Variants in SPON1 observed in about 807,000 individuals in gnomAD.
The protein encoded by SPON1 is spondin-1.
SPON1 carries 52 observed loss-of-function variants against 111.7 expected under a neutral mutation model. The observed-to-expected ratio is 0.47, with a 90% CI of 0.37 to 0.59. SPON1 has a LOEUF of 0.59. Among genes scored for constraint, SPON1 ranks in the 20% least tolerant of loss-of-function variants. The probability of loss-of-function intolerance (pLI) is 0.00; values close to 1 mark genes in which losing one functional copy is unlikely to be tolerated. For missense variants in SPON1, 957 were observed against 1,068.5 expected, an observed-to-expected ratio of 0.90 and a Z score of 1.46; for synonymous variants, 410 against 395.8, an observed-to-expected ratio of 1.04 and a Z score of -0.43.
chr11:14,154,340 T>C (rs995183182), intron 6 of SPON1, among the ~76,000 whole-genome samples: 1 of 152,170 alleles, frequency 6.6e-6, no homozygotes, highest in African/African-American at 2.4e-5. Context: ...CTGGAATATA[T>C]GTCAGCCTCA....
Position 14,053,403 on chromosome 11 carries a change from G to A in SPON1, c.479+11749G>A, listed in dbSNP as rs113817226. On this transcript the variant is annotated intron_variant, in intron 3 of 15. Transcript: ENST00000576479. ...ATATAAATGGAAGCATACAATGTGT[G>A]ACCTTTTGTGTCTAGCTTTTTTTCA... 1.1e-3 allele frequency among the ~76,000 whole-genome samples: 168 copies of A among 152,154 alleles called. 1 individual carries two copies. Among genetic ancestry groups the A allele is most frequent in the East Asian group, 6.2e-3 (32 of 5,176 alleles).
chr11:14,106,287 A>T (rs782607513), intron 5 of SPON1, among the ~76,000 whole-genome samples: 2 of 152,190 alleles, frequency 1.3e-5, no homozygotes, highest in Non-Finnish European at 2.9e-5. Context: ...TTTCCTTTGT[A>T]TGAAAATATT....
intron 6 of SPON1, among the ~76,000 whole-genome samples, chr11:14,180,908 G>T (rs1830018450): frequency 1.3e-5 from 2 of 152,188 alleles, no homozygotes; most frequent in Admixed American, 1.3e-4. Flanking sequence ...ATGAATGAAT[G>T]AATAAATACA....
At chr11:14,012,518 G>C (rs74449525) in intron 2 of SPON1, among the ~76,000 whole-genome samples, 1 of 152,280 alleles carries the variant, frequency 6.6e-6, no homozygotes, top group Non-Finnish European at 1.5e-5. Context: ...ATGTGGTAGG[G>C]AATGAGACTT....
chr11:14,056,427 A>G (rs1260591615), intron 3 of SPON1, among the ~76,000 whole-genome samples: 1 of 152,220 alleles, frequency 6.6e-6, no homozygotes, highest in Non-Finnish European at 1.5e-5. Flanking sequence ...TGTACATTTT[A>G]AAGGTCGTTT....
intron 6 of SPON1, among the ~76,000 whole-genome samples, chr11:14,137,522 C>G (rs1554928233): frequency 6.6e-6 from 1 of 152,154 alleles, no homozygotes; most frequent in Non-Finnish European, 1.5e-5. Flanking sequence ...CACATCTAGG[C>G]TGAGGATGCT....
Position 14,088,626 on chromosome 11 carries a change from G to A in SPON1, c.676+8605G>A, listed in dbSNP as rs536063795. Reference sequence around the variant, plus strand: ...TATGTGTTTTGGGGTTGTTCTTCTCGGGGAGTATCATTGTGGTGTTCTCTG... The same window carrying A: ...TATGTGTTTTGGGGTTGTTCTTCTCAGGGAGTATCATTGTGGTGTTCTCTG... On this transcript the variant is annotated intron_variant, in intron 5 of 15. Coordinates refer to ENST00000576479, the MANE Select transcript of SPON1 (RefSeq NM_006108.4). Among the ~76,000 whole-genome samples, 5 of 145,454 alleles carry A rather than the reference G, an allele frequency of 3.4e-5. No homozygotes were observed. In the South Asian group the frequency reaches 6.4e-4, roughly 19 times the overall value.
At chr11:13,993,259 G>A (rs1474791269) in intron 2 of SPON1, among the ~76,000 whole-genome samples, 2 of 151,894 alleles carry the variant, frequency 1.3e-5, no homozygotes, top group Admixed American at 6.6e-5. Flanking sequence ...CTCCAAAGAA[G>A]GCCGAGGAGA....
intron 6 of SPON1, among the ~76,000 whole-genome samples, chr11:14,225,540 T>G (rs1848728458): frequency 6.6e-6 from 1 of 152,180 alleles, no homozygotes; most frequent in Admixed American, 6.5e-5. Context: ...GATTGTGCTG[T>G]GCCAATGAAG....
chr11:14,211,425 G>C (rs892190777), intron 6 of SPON1, among the ~76,000 whole-genome samples: 1 of 152,110 alleles, frequency 6.6e-6, no homozygotes, highest in Non-Finnish European at 1.5e-5. Flanking sequence ...ACTTACAAGG[G>C]ATGTGAAGGA....
In SPON1 at chr11:14,233,515, G is replaced by A. The variant is rs147626372; in HGVS notation, c.826-9817G>A. Among the ~76,000 whole-genome samples the A allele has an allele frequency of 4.1e-3, 630 of 152,214 alleles. 3 individuals are homozygous for A. Among genetic ancestry groups the A allele is most frequent in the African/African-American group, 0.014 (583 of 41,530 alleles). ...TGAACAACAGCCCCTAAACCCTCTG[G>A]GAGGGCAGCCAAGGCCAGAGACTTC... On this transcript the variant is annotated intron_variant, in intron 6 of 15. Transcript: ENST00000576479.
chr11:13,980,940 T>A (rs981152915), intron 1 of SPON1, among the ~76,000 whole-genome samples: 1 of 152,176 alleles, frequency 6.6e-6, no homozygotes, highest in East Asian at 1.9e-4. Flanking sequence ...ATCCGTGAAA[T>A]TGGAGAGCTG....
chr11:14,144,666 A>C (rs900410732), intron 6 of SPON1, among the ~76,000 whole-genome samples: 3 of 149,624 alleles, frequency 2.0e-5, no homozygotes, highest in Non-Finnish European at 4.4e-5. Flanking sequence ...AATAATAATA[A>C]TAATGAAAAA....
Position 14,259,500 on chromosome 11 carries a change from G to A in SPON1, c.1664-34G>A. ...GGCGGGCAAGTAGGTCGGGGAGGCA[G>A]CAGGTGCGACTCCAATGCCGCTGGC... On this transcript the variant is annotated intron_variant, in intron 12 of 15. Transcript: ENST00000576479. The surrounding 1 kb of genome is among the most constrained non-coding windows in gnomAD (Gnocchi z 5.0). 1.3e-6 allele frequency: 2 copies of A among 1,570,482 alleles called. No homozygotes were observed. The highest frequency in any genetic ancestry group is 1.2e-5 in the South Asian group (1 of 85,574).
chr11:14,167,593 T>C (rs1391210544), intron 6 of SPON1, among the ~76,000 whole-genome samples: 1 of 152,162 alleles, frequency 6.6e-6, no homozygotes, highest in East Asian at 1.9e-4. Context: ...CATTACAGCA[T>C]CTTTAATGTT....
At chr11:14,109,323 G>A (rs1392294112) in intron 5 of SPON1, among the ~76,000 whole-genome samples, 4 of 152,076 alleles carry the variant, frequency 2.6e-5, no homozygotes, top group African/African-American at 7.2e-5. Flanking sequence ...GGTTTCCCTA[G>A]GGTTATGTTC....
intron 6 of SPON1, among the ~76,000 whole-genome samples, chr11:14,198,844 C>T (rs1848430994): frequency 6.6e-6 from 1 of 152,184 alleles, no homozygotes; most frequent in Admixed American, 6.5e-5. Flanking sequence ...TGCTTTTTTA[C>T]TTCTTTGTAA....
chr11:14,221,602 C>T (rs1312989698), intron 6 of SPON1, among the ~76,000 whole-genome samples: 5 of 152,156 alleles, frequency 3.3e-5, no homozygotes, highest in East Asian at 3.9e-4. Flanking sequence ...ACTCATCCGA[C>T]GTTTTTAGGT....
At chr11:14,235,787 A>G (rs1363946949) in intron 6 of SPON1, among the ~76,000 whole-genome samples, 1 of 151,866 alleles carries the variant, frequency 6.6e-6, no homozygotes, top group Non-Finnish European at 1.5e-5. Flanking sequence ...AGGGATGCTG[A>G]GTCAAAAAGG....
Sources: gnomAD v4.1 joint callset for allele counts (sites outside exome capture counted in the v4.1 genomes callset) on GRCh38, gnomAD v4.1.1 for gene constraint, Gnocchi (gnomAD v3.1) non-coding constraint, MANE v1.5 for transcripts, NCBI Gene and HGNC (gene_info 2026-07-23, HGNC 2026-07-21) for gene names.